Variants in ZC3H3 observed in about 807,000 individuals in gnomAD.
ZC3H3 encodes the protein zinc finger CCCH domain-containing protein 3.
Under a neutral mutation model 77.3 loss-of-function variants are expected in ZC3H3, and 36 were observed. The ratio of observed to expected loss-of-function variants is 0.47; its 90% confidence interval spans 0.36 to 0.61. The LOEUF is 0.61. Among genes scored for constraint, ZC3H3 ranks in the 20% least tolerant of loss-of-function variants. ZC3H3 has a pLI of 0.00. For missense variants in ZC3H3, 1,331 were observed against 1,312.2 expected (o/e 1.01, Z -0.22); for synonymous variants, 626 against 555.2 (o/e 1.13, Z -1.79).
chr8:143,528,185 C>A (rs1452758215), intron 3 of ZC3H3, among the ~76,000 whole-genome samples: 2 of 152,236 alleles, frequency 1.3e-5, no homozygotes, highest in African/African-American at 4.8e-5. Context: ...TCGGGCCCTG[C>A]GTGCTCCTGC....
intron 4 of ZC3H3, among the ~76,000 whole-genome samples, chr8:143,507,253 G>A (rs975348129): frequency 3.3e-5 from 5 of 152,204 alleles, no homozygotes; most frequent in African/African-American, 4.8e-5. Context: ...GTCAGAGTGC[G>A]AGTGGGGGCC....
At chr8:143,474,093 C>A (rs1450747562) in intron 5 of ZC3H3, among the ~76,000 whole-genome samples, 1 of 152,202 alleles carries the variant, frequency 6.6e-6, no homozygotes, top group East Asian at 1.9e-4. Flanking sequence ...ATGTTCTGAG[C>A]CAGCTCCTGC....
chr8:143,452,516 C>G (rs1209416705), intron 9 of ZC3H3, among the ~76,000 whole-genome samples: 1 of 152,198 alleles, frequency 6.6e-6, no homozygotes, highest in Non-Finnish European at 1.5e-5. Flanking sequence ...AGCGCCAACG[C>G]TGACAGACAG....
At chr8:143,468,590 A>G (rs1563844075) in intron 6 of ZC3H3, 27 bp downstream of exon 6, 6 of 1,582,022 alleles carry the variant, frequency 3.8e-6, no homozygotes, top group Admixed American at 3.6e-5. Flanking sequence ...CAGGGAGCCC[A>G]CCCACTGCCC....
rs1019885254 is a variant in ZC3H3, at chr8:143,494,681, C to A, written c.1715+13065G>T. ...AGGGGATGGGAGCACAGGAACACAG[C>A]CCCCAGAGGGCCAGGAGCCCCCACA... On this transcript the variant is annotated intron_variant, in intron 4 of 11. Coordinates refer to ENST00000262577, the MANE Select transcript of ZC3H3 (RefSeq NM_015117.3). The surrounding 1 kb of genome is among the most constrained non-coding windows in gnomAD (Gnocchi z 5.3). Among the ~76,000 whole-genome samples the A allele has an allele frequency of 2.6e-5, 4 of 152,154 alleles. No individual in the cohort carries two copies. The highest frequency in any genetic ancestry group is 4.8e-5 in the African/African-American group (2 of 41,440).
At position 143,530,585 on chromosome 8, in the gene ZC3H3, T is replaced by A. The variant is rs59655443; in HGVS notation, c.1561+5672A>T. Among the ~76,000 whole-genome samples the A allele has an allele frequency of 0.017, 2,632 of 151,888 alleles. 79 individuals carry two copies. The highest frequency in any genetic ancestry group is 0.06 in the African/African-American group (2,500 of 41,348). On this transcript the variant is annotated intron_variant, in intron 3 of 11. Transcript: ENST00000262577. This position sits in a 1 kb window ranked among gnomAD's most constrained non-coding sequence, Gnocchi z 4.3. Reference sequence around the variant, plus strand: ...CCTGGAGTGTACAGCCTGGACAGCATCCCTCTGCACAGGCCGGCCAGGCTT... The same window carrying A: ...CCTGGAGTGTACAGCCTGGACAGCAACCCTCTGCACAGGCCGGCCAGGCTT...
At chr8:143,461,879 T>G (rs181223764) in intron 9 of ZC3H3, among the ~76,000 whole-genome samples, 1 of 151,902 alleles carries the variant, frequency 6.6e-6, no homozygotes, top group East Asian at 1.9e-4. Flanking sequence ...TGCGCTGTGG[T>G]GCAGCTGTAC....
chr8:143,538,935 G>A lies in ZC3H3; in HGVS notation c.432C>T (p.Gly144=). 2 of 1,613,012 alleles carry A rather than the reference G, an allele frequency of 1.2e-6. No individual in the cohort carries two copies. Among genetic ancestry groups the A allele is most frequent in the Non-Finnish European group, 1.7e-6 (2 of 1,180,024 alleles). The change falls in exon 2 of 12, where the codon GGC becomes GGT. Residue 144 remains glycine (G), a synonymous_variant. Coordinates refer to ENST00000262577, the MANE Select transcript of ZC3H3 (RefSeq NM_015117.3). Reference sequence around the variant, plus strand: ...GGGTTTCCTCAAATTCTTCCAAAGAGCCCCGCTGGGCCCCTGAGGCACTGG... The same window carrying A: ...GGGTTTCCTCAAATTCTTCCAAAGAACCCCGCTGGGCCCCTGAGGCACTGG... The part of the protein sequence containing the change: ...GSASASGAQR[G]SLEEFEETPW...
intron 3 of ZC3H3, among the ~76,000 whole-genome samples, chr8:143,518,548 G>A (rs930573718): frequency 2.6e-5 from 4 of 152,240 alleles, no homozygotes; most frequent in East Asian, 3.9e-4. Context: ...GCCACATGCC[G>A]CTCTCCTCTG....
intron 4 of ZC3H3, among the ~76,000 whole-genome samples, chr8:143,480,585 C>T (rs1473111323): frequency 6.6e-6 from 1 of 152,334 alleles, no homozygotes; most frequent in South Asian, 2.1e-4. Flanking sequence ...CAGTGCACTG[C>T]CTGCCCCCAG....
chr8:143,468,811 C>G (rs1346781308), intron 5 of ZC3H3, 152 bp from the exon 6 acceptor site: 2 of 1,049,596 alleles, frequency 1.9e-6, no homozygotes, highest in Non-Finnish European at 2.7e-6. Flanking sequence ...CTCCCCTCCC[C>G]ACAGTGGTTC....
chr8:143,450,515 T>C lies in ZC3H3; in HGVS notation c.2308-9395A>G, dbSNP rs541686204. On this transcript the variant is annotated intron_variant, in intron 9 of 11. Coordinates refer to ENST00000262577, the MANE Select transcript of ZC3H3 (RefSeq NM_015117.3). ...TAATTTATGAAGATAAGAGGTTTAATTGGCTCACAGTTCACAGGCTGTACA... is the reference window on the plus strand; with the variant it reads ...TAATTTATGAAGATAAGAGGTTTAACTGGCTCACAGTTCACAGGCTGTACA... Among the ~76,000 whole-genome samples, 25 of 152,278 alleles carry C rather than the reference T, an allele frequency of 1.6e-4. No individual in the cohort carries two copies. In the South Asian group the frequency reaches 5.0e-3, roughly 30 times the overall value.
intron 5 of ZC3H3, among the ~76,000 whole-genome samples, chr8:143,474,096 G>A (rs1021754883): frequency 6.6e-6 from 1 of 152,192 alleles, no homozygotes; most frequent in African/African-American, 2.4e-5. Context: ...TTCTGAGCCA[G>A]CTCCTGCACT....
chr8:143,448,263 A>AAGGTTGCGGTGAG (rs1378061236), intron 9 of ZC3H3, among the ~76,000 whole-genome samples: 5 of 151,514 alleles, frequency 3.3e-5, no homozygotes, highest in Non-Finnish European at 7.4e-5. Flanking sequence ...CCAAGATAGC[A>AAGGTTGCGGTGAG]CCATTGCACT....
chr8:143,486,162 T>C (rs1441349323), intron 4 of ZC3H3, among the ~76,000 whole-genome samples: 1 of 152,240 alleles, frequency 6.6e-6, no homozygotes. Context: ...AACTGCAAGA[T>C]GGACACACAT....
At chr8:143,522,736 T>C (rs961235230) in intron 3 of ZC3H3, among the ~76,000 whole-genome samples, 3 of 152,122 alleles carry the variant, frequency 2.0e-5, no homozygotes, top group Non-Finnish European at 4.4e-5. Flanking sequence ...TTGGGCAACA[T>C]GGTGAGACCC....
At chr8:143,465,646 T>G (rs1200241170) in intron 9 of ZC3H3, 71 bp downstream of exon 9, 4 of 1,583,758 alleles carry the variant, frequency 2.5e-6, no homozygotes, top group Non-Finnish European at 3.4e-6. Flanking sequence ...CCACGGCAGG[T>G]ACCCAGGAGT....
intron 4 of ZC3H3, among the ~76,000 whole-genome samples, chr8:143,503,998 C>T (rs1042072057): frequency 6.6e-6 from 1 of 152,192 alleles, no homozygotes; most frequent in African/African-American, 2.4e-5. Context: ...AGAGAGAGGG[C>T]GCGTGTGCCA....
chr8:143,448,432 G>T (rs1054813631), intron 9 of ZC3H3, among the ~76,000 whole-genome samples: 1 of 152,220 alleles, frequency 6.6e-6, no homozygotes, highest in Non-Finnish European at 1.5e-5. Flanking sequence ...TCAAAAGGGA[G>T]AAATCAGCCA....
Sources: gnomAD v4.1 joint callset for allele counts (sites outside exome capture counted in the v4.1 genomes callset) on GRCh38, gnomAD v4.1.1 for gene constraint, Gnocchi (gnomAD v3.1) non-coding constraint, MANE v1.5 for transcripts, NCBI Gene and HGNC (gene_info 2026-07-23, HGNC 2026-07-21) for gene names.